The following DLG2 variants were observed in gnomAD, a reference collection of about 807,000 sequenced individuals.
The protein encoded by DLG2 is discs large MAGUK scaffold protein 2.
In DLG2, 45 loss-of-function variants were observed where a neutral mutation model predicts 132.5. The ratio of observed to expected loss-of-function variants is 0.34; its 90% CI spans 0.27 to 0.44. DLG2 has a LOEUF of 0.44. DLG2 is among the 20% of genes least tolerant of loss of function. DLG2 has a pLI of 1.00. For missense variants in DLG2, 1,045 were observed against 1,196.9 expected (o/e 0.87, Z 1.87); for synonymous variants, 424 against 419.6 (o/e 1.01, Z -0.13).
intron 9 of DLG2, among the ~76,000 whole-genome samples, chr11:84,142,510 C>T (rs2094898129): frequency 6.6e-6 from 1 of 151,928 alleles, no homozygotes; most frequent in Admixed American, 6.6e-5. Context: ...TAAGGGATAC[C>T]CAAATAGCTG....
At chr11:84,594,001 C>T (rs570299840) in intron 6 of DLG2, among the ~76,000 whole-genome samples, 11 of 151,978 alleles carry the variant, frequency 7.2e-5, no homozygotes, top group South Asian at 4.1e-4. Context: ...ATTAATTTTC[C>T]CAAGAAATGC....
intron 6 of DLG2, among the ~76,000 whole-genome samples, chr11:84,719,182 C>G (rs2061527869): frequency 6.6e-6 from 1 of 152,172 alleles, no homozygotes. Flanking sequence ...CCTGTGAGCA[C>G]TATCCATGAA....
intron 22 of DLG2, among the ~76,000 whole-genome samples, chr11:83,477,188 G>T (rs779266373): frequency 2.0e-5 from 3 of 152,080 alleles, no homozygotes; most frequent in African/African-American, 4.8e-5. Flanking sequence ...TTAGAAGCTT[G>T]CATAGTCCTC....
chr11:84,740,498 A>T (rs2064460232), intron 6 of DLG2, among the ~76,000 whole-genome samples: 1 of 151,236 alleles, frequency 6.6e-6, no homozygotes, highest in Non-Finnish European at 1.5e-5. Context: ...AGCCCTACCC[A>T]GCCACTGTGG....
At chr11:84,756,438 C>T (rs183973169) in intron 6 of DLG2, among the ~76,000 whole-genome samples, 114 of 152,300 alleles carry the variant, frequency 7.5e-4, no homozygotes, top group African/African-American at 2.6e-3. Context: ...TATGTTTATA[C>T]AGTGATGTGG....
intron 6 of DLG2, among the ~76,000 whole-genome samples, chr11:84,621,375 G>A (rs2099613640): frequency 6.6e-6 from 1 of 152,108 alleles, no homozygotes; most frequent in Non-Finnish European, 1.5e-5. Flanking sequence ...TCATGCTGAA[G>A]ATTATGGTGT....
intron 6 of DLG2, among the ~76,000 whole-genome samples, chr11:84,595,994 T>C (rs923942622): frequency 6.6e-6 from 1 of 152,134 alleles, no homozygotes; most frequent in Non-Finnish European, 1.5e-5. Flanking sequence ...AATATTAATG[T>C]GGAAAAAATA....
At chr11:83,550,970 T>A (rs656727) in intron 19 of DLG2, among the ~76,000 whole-genome samples, 96,129 of 152,052 alleles carry the variant, frequency 0.63, 30,553 homozygotes, top group African/African-American at 0.68. Context: ...TTGCTAATAG[T>A]CGATTATCAT....
At chr11:85,128,256 G>A (rs1449870146) in intron 5 of DLG2, among the ~76,000 whole-genome samples, 1 of 151,866 alleles carries the variant, frequency 6.6e-6, no homozygotes, top group Non-Finnish European at 1.5e-5. Flanking sequence ...TATGGTTAAT[G>A]GATATCTGAA....
intron 8 of DLG2, among the ~76,000 whole-genome samples, chr11:84,201,696 C>G (rs1225910196): frequency 6.6e-6 from 1 of 151,184 alleles, no homozygotes; most frequent in Non-Finnish European, 1.5e-5. Flanking sequence ...GTGTATGTGT[C>G]CAAGAATGTA....
chr11:85,235,210 CA>C (rs142839652), intron 4 of DLG2, among the ~76,000 whole-genome samples: 6,315 of 152,008 alleles, frequency 0.042, 175 homozygotes, highest in East Asian at 0.092. Context: ...TAATTCATTT[CA>C]AAAGTTTACA....
chr11:84,373,282 C>CAAAAAAAAAAA (rs2098716257), intron 7 of DLG2, among the ~76,000 whole-genome samples: 1 of 19,388 alleles, frequency 5.2e-5, no homozygotes, highest in East Asian at 1.5e-3. Context: ...AAAAAAAAAC[C>CAAAAAAAAAAA]CACCAGGCCC....
At chr11:85,467,923 G>C (rs918164590) in intron 3 of DLG2, among the ~76,000 whole-genome samples, 1 of 152,202 alleles carries the variant, frequency 6.6e-6, no homozygotes, top group Admixed American at 6.5e-5. Flanking sequence ...GAATCCAGCT[G>C]TGAATCCATC....
intron 4 of DLG2, among the ~76,000 whole-genome samples, chr11:85,170,239 G>T (rs570334121): frequency 2.6e-5 from 4 of 152,140 alleles, no homozygotes; most frequent in Non-Finnish European, 5.9e-5. Context: ...AGGGACAGGG[G>T]AGAGGAGAAG....
chr11:85,351,386 A>G (rs2083275374), intron 3 of DLG2, among the ~76,000 whole-genome samples: 1 of 152,180 alleles, frequency 6.6e-6, no homozygotes, highest in African/African-American at 2.4e-5. Flanking sequence ...TCATTTCCTA[A>G]TTGAATACCC....
intron 6 of DLG2, among the ~76,000 whole-genome samples, chr11:84,868,162 T>C (rs1017680570): frequency 6.8e-6 from 1 of 147,644 alleles, no homozygotes; most frequent in African/African-American, 2.5e-5. Flanking sequence ...ATTAATATAT[T>C]ATATTATTAT....
intron 3 of DLG2, among the ~76,000 whole-genome samples, chr11:85,338,413 A>C (rs1393449962): frequency 6.6e-6 from 1 of 152,142 alleles, no homozygotes; most frequent in Non-Finnish European, 1.5e-5. Context: ...TACTTAAATC[A>C]GTTCTTTTCT....
At chr11:84,287,815 A>C (rs1462591865) in intron 7 of DLG2, among the ~76,000 whole-genome samples, 3 of 151,258 alleles carry the variant, frequency 2.0e-5, no homozygotes, top group African/African-American at 7.3e-5. Context: ...TAGAAGGAGA[A>C]GGTGTCATTA....
At chr11:85,542,150 G>C (rs895762430) in intron 3 of DLG2, among the ~76,000 whole-genome samples, 1 of 151,840 alleles carries the variant, frequency 6.6e-6, no homozygotes, top group Non-Finnish European at 1.5e-5. Context: ...TTGTCCTGCT[G>C]GTCCTTTTTT....
Sources: allele counts gnomAD v4.1 joint callset (sites outside exome capture counted in the v4.1 genomes callset), GRCh38; gene constraint gnomAD v4.1.1; transcripts MANE v1.5; gene names NCBI Gene and HGNC (gene_info 2026-07-23, HGNC 2026-07-21).